The following COL5A2 variants were observed in gnomAD, a reference collection of about 807,000 sequenced individuals.
COL5A2 encodes collagen type V alpha 2 chain, also known as collagen alpha-2(V) chain.
COL5A2 carries 23 observed loss-of-function variants against 208.2 expected under a neutral mutation model. The observed-to-expected ratio is 0.11, with a 90% CI of 0.08 to 0.16. The LOEUF (loss-of-function observed/expected upper bound fraction) is 0.16. COL5A2 is among the 10% of genes least tolerant of loss of function. COL5A2 has a pLI of 1.00. For missense variants in COL5A2, 1,590 were observed against 1,956.4 expected, an observed-to-expected ratio of 0.81 and a Z score of 3.53; for synonymous variants, 625 against 628.5, an observed-to-expected ratio of 0.99 and a Z score of 0.08.
chr2:189,360,780 C>T, the COL5A2 span, among the ~76,000 whole-genome samples: 2 of 152,116 alleles, frequency 1.3e-5, no homozygotes, highest in African/African-American at 4.8e-5. Flanking sequence ...TCCCCCACCC[C>T]TCCAACAGGC....
rs2105721311 is a variant in COL5A2 at position 189,114,385 on chromosome 2, T to C, written c.98-3936A>G. On this transcript the variant is annotated intron_variant, in intron 1 of 53. Transcript: ENST00000374866. Reference sequence around the variant, plus strand: ...TGATTAAGTTGTCCCTTCTGTTTTCTACACAGACATTTACTTAAACGAAAA... The same window carrying C: ...TGATTAAGTTGTCCCTTCTGTTTTCCACACAGACATTTACTTAAACGAAAA... 1.3e-5 allele frequency among the ~76,000 whole-genome samples: 2 copies of C among 152,328 alleles called. 1 individual carries two copies. Among genetic ancestry groups the C allele is most frequent in the South Asian group, 4.1e-4 (2 of 4,824 alleles).
At position 189,033,764 on chromosome 2, in the gene COL5A2, G is replaced by A. The variant is rs868410658; in HGVS notation, c.*306C>T. The A allele has an allele frequency of 2.6e-6, 1 of 383,404 alleles. No individual in the cohort carries two copies. Among genetic ancestry groups the A allele is most frequent in the Non-Finnish European group, 4.9e-6 (1 of 206,012 alleles). The allele number at this position is 383,404 out of a possible 1,614,324, so 23.8% of individuals were successfully genotyped here. Reference sequence around the variant, plus strand: ...CTTTTTCATTACACTGAAATAAATTGAAGAAAACGGAGATTTATTTATTCA... The same window carrying A: ...CTTTTTCATTACACTGAAATAAATTAAAGAAAACGGAGATTTATTTATTCA... On this transcript the variant is annotated 3_prime_UTR_variant, in exon 54 of 54. Transcript: ENST00000374866.
chr2:189,252,852 T>C, the COL5A2 span, among the ~76,000 whole-genome samples: 2 of 152,150 alleles, frequency 1.3e-5, no homozygotes, highest in Non-Finnish European at 2.9e-5. Context: ...TATATTTTAG[T>C]ATAGCTGGGA....
At chr2:189,123,090 G>C (rs555586897) in intron 1 of COL5A2, among the ~76,000 whole-genome samples, 2 of 151,984 alleles carry the variant, frequency 1.3e-5, no homozygotes, top group Admixed American at 1.3e-4. Context: ...TCAACCTCCC[G>C]AGTAGCTGGG....
upstream of COL5A2, among the ~76,000 whole-genome samples, chr2:189,227,944 C>T (rs1689439687): frequency 6.6e-6 from 1 of 151,854 alleles, no homozygotes; most frequent in African/African-American, 2.4e-5. Flanking sequence ...CAAAACAAAA[C>T]TTAACTAATT....
At chr2:189,056,710 GA>G in intron 35 of COL5A2, 1 of 528,402 alleles carries the variant, frequency 1.9e-6, no homozygotes, top group South Asian at 2.2e-5. Flanking sequence ...AGATGATAGA[GA>G]AAGATAAAGA....
At chr2:189,208,837 C>T (rs565521872) in intron 1 of COL5A2, among the ~76,000 whole-genome samples, 2 of 152,206 alleles carry the variant, frequency 1.3e-5, no homozygotes, top group Admixed American at 1.3e-4. Context: ...CTTCTTTTAT[C>T]AGCTGGTTCT....
intron 23 of COL5A2, among the ~76,000 whole-genome samples, chr2:189,065,597 A>G (rs1345902108): frequency 6.6e-6 from 1 of 152,230 alleles, no homozygotes. Flanking sequence ...AAAATTAAAC[A>G]GAGAAAACTG....
At chr2:189,318,626 T>A in the COL5A2 span, among the ~76,000 whole-genome samples, 1 of 152,222 alleles carries the variant, frequency 6.6e-6, no homozygotes, top group African/African-American at 2.4e-5. Flanking sequence ...GTAAATGGTA[T>A]TTTGACAAAG....
At chr2:189,250,808 C>T in the COL5A2 span, among the ~76,000 whole-genome samples, 1 of 152,138 alleles carries the variant, frequency 6.6e-6, no homozygotes, top group East Asian at 1.9e-4. Context: ...AATACCACAA[C>T]CCTACTCCCC....
At chr2:189,200,446 C>T (rs1689055439) in intron 1 of COL5A2, among the ~76,000 whole-genome samples, 1 of 149,352 alleles carries the variant, frequency 6.7e-6, no homozygotes, top group Non-Finnish European at 1.5e-5. Flanking sequence ...TATAATTTTT[C>T]CTTAACCCAG....
At chr2:189,348,383 C>A in the COL5A2 span, among the ~76,000 whole-genome samples, 1 of 151,824 alleles carries the variant, frequency 6.6e-6, no homozygotes, top group Non-Finnish European at 1.5e-5. Context: ...GAATCTCTAC[C>A]CCAGTTATGA....
At chr2:189,217,979 A>C (rs1402253308) in intron 1 of COL5A2, among the ~76,000 whole-genome samples, 1 of 152,160 alleles carries the variant, frequency 6.6e-6, no homozygotes, top group Non-Finnish European at 1.5e-5. Context: ...TTCATCCACG[A>C]AACAGCATCC....
chr2:189,360,818 G>C, the COL5A2 span, among the ~76,000 whole-genome samples: 1 of 151,534 alleles, frequency 6.6e-6, no homozygotes, highest in African/African-American at 2.4e-5. Context: ...CCTTCCTTGT[G>C]TCCATGTGTT....
In COL5A2 at chr2:189,093,791, T is replaced by C. The variant is rs946250679; in HGVS notation, c.457-1371A>G. Among the ~76,000 whole-genome samples, 5 of 152,198 alleles carry C rather than the reference T, an allele frequency of 3.3e-5. 1 individual carries two copies. In the East Asian group the frequency reaches 7.7e-4, roughly 23 times the overall value. On this transcript the variant is annotated intron_variant, in intron 6 of 53. Transcript: ENST00000374866. Reference sequence around the variant, plus strand: ...ACACAACAGAGGCTGATTTCAATTGTTCTCTAGGACTCCTGGATCATATGA... The same window carrying C: ...ACACAACAGAGGCTGATTTCAATTGCTCTCTAGGACTCCTGGATCATATGA...
chr2:189,167,399 C>A (rs1037319664), intron 1 of COL5A2, among the ~76,000 whole-genome samples: 2 of 152,118 alleles, frequency 1.3e-5, no homozygotes, highest in Non-Finnish European at 2.9e-5. Context: ...TTGTTGTCAT[C>A]CTTTACATAA....
At chr2:189,318,291 T>A in the COL5A2 span, among the ~76,000 whole-genome samples, 1 of 152,170 alleles carries the variant, frequency 6.6e-6, no homozygotes, top group South Asian at 2.1e-4. Context: ...AAATACCAAT[T>A]AAGTTTTCTC....
At chr2:189,278,155 T>C in the COL5A2 span, among the ~76,000 whole-genome samples, 2 of 152,086 alleles carry the variant, frequency 1.3e-5, no homozygotes, top group African/African-American at 4.8e-5. Flanking sequence ...TCTGATAGTG[T>C]TTTTCTTATA....
At chr2:189,340,769 T>C in the COL5A2 span, among the ~76,000 whole-genome samples, 4 of 152,172 alleles carry the variant, frequency 2.6e-5, no homozygotes, top group Non-Finnish European at 4.4e-5. Flanking sequence ...AGGTTTTGAC[T>C]GATGTCAGTG....
Sources: allele counts gnomAD v4.1 joint callset (sites outside exome capture counted in the v4.1 genomes callset), GRCh38; gene constraint gnomAD v4.1.1; transcripts MANE v1.5; gene names NCBI Gene and HGNC (gene_info 2026-07-23, HGNC 2026-07-21).